UTS2: variants seen among roughly 807,000 people sequenced by gnomAD.
UTS2 encodes the protein urotensin-2.
In UTS2, 10 loss-of-function variants were observed where a neutral mutation model predicts 12.6. That is an observed-to-expected ratio of 0.80 (90% confidence interval 0.49 to 1.35). The LOEUF (loss-of-function observed/expected upper bound fraction) is 1.35. Ranked by LOEUF, UTS2 falls within the 40% of genes most tolerant of loss-of-function variation. UTS2 has a pLI of 0.00. For missense variants in UTS2, 142 were observed against 143.2 expected (o/e 0.99, Z 0.04); for synonymous variants, 52 against 50.0 (o/e 1.04, Z -0.17).
the UTS2 span, among the ~76,000 whole-genome samples, chr1:7,903,001 C>T: frequency 3.5e-4 from 50 of 141,596 alleles, 4 homozygotes; most frequent in African/African-American, 1.4e-3. Context: ...CCCTCCCTCC[C>T]TCCTTCCCTC....
At chr1:7,909,282 C>T in the UTS2 span, among the ~76,000 whole-genome samples, 8 of 152,158 alleles carry the variant, frequency 5.3e-5, no homozygotes, top group Middle Eastern at 3.4e-3. Context: ...ACTGGGCTTA[C>T]GCCTGTAATC....
At chr1:7,866,477 A>T in the UTS2 span, among the ~76,000 whole-genome samples, 1 of 152,152 alleles carries the variant, frequency 6.6e-6, no homozygotes, top group Non-Finnish European at 1.5e-5. This position sits in a 1 kb window ranked among gnomAD's most constrained non-coding sequence, Gnocchi z 4.5. Context: ...CCCTCTCATA[A>T]TCTAATTTCA....
the UTS2 span, among the ~76,000 whole-genome samples, chr1:7,872,696 A>G: frequency 6.6e-6 from 1 of 152,362 alleles, no homozygotes; most frequent in East Asian, 1.9e-4. Flanking sequence ...AAGGAAAGAA[A>G]CCATCTCCAT....
chr1:7,876,735 C>G, the UTS2 span, among the ~76,000 whole-genome samples: 1 of 147,012 alleles, frequency 6.8e-6, no homozygotes, highest in Non-Finnish European at 1.5e-5. Flanking sequence ...CCCTACCCAA[C>G]CAACACTATA....
At chr1:7,892,885 C>T in the UTS2 span, among the ~76,000 whole-genome samples, 9 of 152,118 alleles carry the variant, frequency 5.9e-5, no homozygotes, top group African/African-American at 1.9e-4. Flanking sequence ...AACTTAATCA[C>T]ATCTGAAAAG....
the UTS2 span, among the ~76,000 whole-genome samples, chr1:7,879,858 A>G: frequency 1.4e-4 from 22 of 152,226 alleles, no homozygotes; most frequent in Middle Eastern, 3.2e-3. Context: ...ATAAATGCCT[A>G]CATCTAAAAA....
the UTS2 span, among the ~76,000 whole-genome samples, chr1:7,862,217 G>A: frequency 5.9e-5 from 9 of 151,448 alleles, no homozygotes; most frequent in East Asian, 3.9e-4. Context: ...GAGCCACCGC[G>A]CCCTGCCTAA....
At chr1:7,876,681 T>A in the UTS2 span, among the ~76,000 whole-genome samples, 1 of 152,136 alleles carries the variant, frequency 6.6e-6, no homozygotes, top group Non-Finnish European at 1.5e-5. Context: ...AAAAATCATA[T>A]AAAGACTATA....
chr1:7,889,442 C>CAAAAAAAAAAAAAAAAAAAAAAA, the UTS2 span, among the ~76,000 whole-genome samples: 1 of 85,402 alleles, frequency 1.2e-5, no homozygotes, highest in Non-Finnish European at 2.2e-5. Flanking sequence ...ATCTTATCAC[C>CAAAAAAAAAAAAAAAAAAAAAAA]AAAAAAAAAA....
chr1:7,872,040 G>A, the UTS2 span, among the ~76,000 whole-genome samples: 2 of 152,022 alleles, frequency 1.3e-5, no homozygotes, highest in South Asian at 2.1e-4. Context: ...GGTGGCTCAC[G>A]CCTGTAATCC....
At chr1:7,857,852 GAAA>G (rs3034103), upstream of UTS2, among the ~76,000 whole-genome samples, 83 of 118,620 alleles carry the variant, frequency 7.0e-4, no homozygotes, top group Middle Eastern at 4.3e-3. Flanking sequence ...CCAGTCTCCA[GAAA>G]AAAAAAAAAA....
the UTS2 span, among the ~76,000 whole-genome samples, chr1:7,869,694 G>A: frequency 2.0e-4 from 30 of 152,342 alleles, no homozygotes; most frequent in Admixed American, 1.2e-3. Context: ...TTAGTCCAGC[G>A]GGGGATGCGT....
upstream of UTS2, among the ~76,000 whole-genome samples, chr1:7,855,943 C>T (rs1638296954): frequency 6.6e-6 from 1 of 151,938 alleles, no homozygotes; most frequent in Non-Finnish European, 1.5e-5. Context: ...ATCCTCCTGC[C>T]TCAGCCTCAG....
the UTS2 span, among the ~76,000 whole-genome samples, chr1:7,882,122 C>T: frequency 2.6e-5 from 4 of 152,078 alleles, 1 homozygote; most frequent in South Asian, 8.3e-4. Flanking sequence ...ATTGCTTGGG[C>T]CCTGGAGATC....
the UTS2 span, among the ~76,000 whole-genome samples, chr1:7,876,440 G>C: frequency 2.0e-5 from 3 of 152,284 alleles, no homozygotes; most frequent in African/African-American, 7.2e-5. Context: ...TGCTGCAGAG[G>C]GGGGAGGGCA....
chr1:7,895,632 T>G, the UTS2 span, among the ~76,000 whole-genome samples: 1 of 152,162 alleles, frequency 6.6e-6, no homozygotes. Flanking sequence ...TGAAAAATCC[T>G]CCTTCAAAAT....
the UTS2 span, among the ~76,000 whole-genome samples, chr1:7,862,207 GA>G: frequency 6.6e-6 from 1 of 151,482 alleles, no homozygotes; most frequent in Admixed American, 6.6e-5. Flanking sequence ...TTACCGGTGT[GA>G]GCCACCGCGC....
upstream of UTS2, among the ~76,000 whole-genome samples, chr1:7,854,933 G>A (rs1638276498): frequency 6.6e-6 from 1 of 152,172 alleles, no homozygotes; most frequent in Non-Finnish European, 1.5e-5. Context: ...GGCCGAGGCA[G>A]GTGGATCACC....
At chr1:7,863,962 C>CT in the UTS2 span, among the ~76,000 whole-genome samples, 1 of 152,192 alleles carries the variant, frequency 6.6e-6, no homozygotes. Flanking sequence ...GCCTCATCCC[C>CT]CGGGGGGGTC....
Sources: gnomAD v4.1 joint callset for allele counts (sites outside exome capture counted in the v4.1 genomes callset) on GRCh38, gnomAD v4.1.1 for gene constraint, Gnocchi (gnomAD v3.1) non-coding constraint, MANE v1.5 for transcripts, NCBI Gene and HGNC (gene_info 2026-07-23, HGNC 2026-07-21) for gene names.